ENTPD5: variants seen among roughly 807,000 people sequenced by gnomAD.
ENTPD5 encodes the protein ectonucleoside triphosphate diphosphohydrolase 5 (inactive).
ENTPD5 carries 49 observed loss-of-function variants against 60.2 expected under a neutral mutation model. The ratio of observed to expected loss-of-function variants is 0.81; its 90% CI spans 0.65 to 1.03. ENTPD5 has a LOEUF of 1.03. Among genes scored for constraint, ENTPD5 ranks in the 50% least tolerant of loss-of-function variants. The pLI is 0.00. For synonymous variants in ENTPD5, 187 were observed against 185.4 expected (o/e 1.01, Z -0.07); for missense variants, 480 against 507.6 (o/e 0.95, Z 0.52).
intron 3 of ENTPD5, among the ~76,000 whole-genome samples, chr14:73,997,229 G>A (rs2058365882): frequency 6.6e-6 from 1 of 152,162 alleles, no homozygotes. Flanking sequence ...GACAGCCAGA[G>A]TGAGGGAAAA....
chr14:73,974,082 G>T, intron 11 of ENTPD5, 104 bp from the exon 12 acceptor site: 1 of 861,632 alleles, frequency 1.2e-6, no homozygotes, highest in Non-Finnish European at 1.9e-6. Flanking sequence ...TGGGGGCTGG[G>T]CCTTAAAATC....
chr14:73,971,046 T>C (rs2057200970), intron 14 of ENTPD5, among the ~76,000 whole-genome samples: 1 of 152,106 alleles, frequency 6.6e-6, no homozygotes, highest in South Asian at 2.1e-4. Flanking sequence ...CCATGTCTTT[T>C]GATGCTTAGT....
Position 73,999,275 on chromosome 14 carries a change from G to C in ENTPD5, c.-70-11103C>G, listed in dbSNP as rs150019665. Among the ~76,000 whole-genome samples, 120 of 147,966 alleles carry C rather than the reference G, an allele frequency of 8.1e-4. 1 individual carries two copies. In the East Asian group the frequency reaches 0.023, roughly 28 times the overall value. Reference sequence around the variant, plus strand: ...GGCCAAAGTGGGTGGATTACCTCAAGTTAGGAGTTCGTGACCAGCCTGGCC... The same window carrying C: ...GGCCAAAGTGGGTGGATTACCTCAACTTAGGAGTTCGTGACCAGCCTGGCC... On this transcript the variant is annotated intron_variant, in intron 3 of 15. Transcript: ENST00000334696.
chr14:73,982,710 G>A lies in ENTPD5; in HGVS notation c.441+308C>T, dbSNP rs556468471. On this transcript the variant is annotated intron_variant, in intron 6 of 15. Transcript: ENST00000334696. ...GGTGGAGCTTGCAGTGAGCCAAGATGGCGCCACTGCACTCCAGCCTGGGTG... is the reference window on the plus strand; with the variant it reads ...GGTGGAGCTTGCAGTGAGCCAAGATAGCGCCACTGCACTCCAGCCTGGGTG... Among the ~76,000 whole-genome samples, 9 of 152,030 alleles carry A rather than the reference G, an allele frequency of 5.9e-5. No individual in the cohort carries two copies. In the East Asian group the frequency reaches 1.7e-3, roughly 29 times the overall value.
chr14:73,960,436 C>G (rs1034508828), downstream of ENTPD5: 1 of 988,614 alleles, frequency 1.0e-6, no homozygotes, highest in African/African-American at 1.7e-5. Context: ...AAGCCTGCTA[C>G]CTTCACACCA....
chr14:73,983,242 G>T, intron 5 of ENTPD5, 81 bp from the exon 6 acceptor site: 3 of 1,429,290 alleles, frequency 2.1e-6, no homozygotes, highest in Non-Finnish European at 9.4e-7. Flanking sequence ...CATACTTTGT[G>T]GGAGCAAGAA....
chr14:73,958,109 C>A (rs772007456), downstream of ENTPD5: 1 of 1,566,276 alleles, frequency 6.4e-7, no homozygotes, highest in African/African-American at 1.4e-5. Flanking sequence ...ATGTGGCCCA[C>A]CTTTCTAATT....
At chr14:73,990,978 G>A (rs994029462) in intron 3 of ENTPD5, among the ~76,000 whole-genome samples, 9 of 151,942 alleles carry the variant, frequency 5.9e-5, no homozygotes, top group South Asian at 2.1e-4. Context: ...GCAGTGAGCC[G>A]AAACCATGCC....
chr14:73,959,438 G>T (rs776645740), downstream of ENTPD5: 1 of 1,614,180 alleles, frequency 6.2e-7, no homozygotes, highest in Non-Finnish European at 8.5e-7. Flanking sequence ...TGAGTTCCTT[G>T]GTTTGGTCCA....
chr14:74,010,020 G>A (rs1278432759), intron 3 of ENTPD5, among the ~76,000 whole-genome samples: 2 of 152,100 alleles, frequency 1.3e-5, no homozygotes, highest in Non-Finnish European at 2.9e-5. Flanking sequence ...TCGATCTCCT[G>A]ATCTCGTGAT....
At chr14:73,959,880 T>C, downstream of ENTPD5, 1 of 1,236,762 alleles carries the variant, frequency 8.1e-7, no homozygotes, top group Non-Finnish European at 1.0e-6. Context: ...AGAAAGGTGG[T>C]TTTGAGTCAG....
intron 8 of ENTPD5, 58 bp downstream of exon 8, chr14:73,976,966 T>C (rs879215513): frequency 7.2e-7 from 1 of 1,388,078 alleles, no homozygotes; most frequent in South Asian, 1.2e-5. Context: ...CTTTTACTCC[T>C]CTGACTATGC....
At chr14:74,007,241 G>A (rs1014271063) in intron 3 of ENTPD5, among the ~76,000 whole-genome samples, 4 of 152,270 alleles carry the variant, frequency 2.6e-5, no homozygotes, top group Admixed American at 6.5e-5. Context: ...ATTAGGTATG[G>A]CCGGGCGCGG....
At chr14:73,982,909 A>G in intron 6 of ENTPD5, 109 bp downstream of exon 6, 1 of 1,077,654 alleles carries the variant, frequency 9.3e-7, no homozygotes, top group Non-Finnish European at 1.4e-6. Flanking sequence ...ATGCTTTGGC[A>G]GTGGTGGAAT....
At chr14:73,961,505 G>A (rs1174586278), downstream of ENTPD5, 1 of 1,614,188 alleles carries the variant, frequency 6.2e-7, no homozygotes, top group South Asian at 1.1e-5. Flanking sequence ...GTCAACATGG[G>A]CTTTGGGGAT....
Position 73,977,102 on chromosome 14 carries a change from TTC to T in ENTPD5, c.518-45_518-44del, listed in dbSNP as rs749375184. 19 of 1,583,254 alleles carry T rather than the reference TTC, an allele frequency of 1.2e-5. No homozygotes were observed. In the South Asian group the frequency reaches 2.2e-4, roughly 18 times the overall value. On this transcript the variant is annotated intron_variant, in intron 7 of 15. Coordinates refer to ENST00000334696, the MANE Select transcript of ENTPD5 (RefSeq NM_001249.5). Reference sequence around the variant, plus strand: ...CAAGGATTAGATCCCAGAGCATTTTTTCTCTTTCCTGGCCCCAACCTTGTTTT... The same window carrying T: ...CAAGGATTAGATCCCAGAGCATTTTTTCTTTCCTGGCCCCAACCTTGTTTT...
intron 15 of ENTPD5, among the ~76,000 whole-genome samples, chr14:73,968,906 T>TG (rs1393881259): frequency 6.6e-6 from 1 of 152,024 alleles, no homozygotes; most frequent in East Asian, 1.9e-4. Flanking sequence ...CTGAAACAGA[T>TG]GGAGAGAGAC....
chr14:73,976,979 G>A (rs774832068), intron 8 of ENTPD5, 45 bp downstream of exon 8: 116 of 1,515,086 alleles, frequency 7.7e-5, no homozygotes, highest in Non-Finnish European at 9.9e-5. Flanking sequence ...GACTATGCAT[G>A]TAAAAGCTAG....
chr14:74,009,924 A>G lies in ENTPD5; in HGVS notation c.-71+1167T>C, dbSNP rs368516036. On this transcript the variant is annotated intron_variant, in intron 3 of 15. Transcript: ENST00000334696. ...CTCCTGCCACAGCCTCCTGAGTAGC[A>G]GGGACTACAGGTGCCCGCCACCACG... is the stretch of plus-strand genomic sequence containing the variant. Among the ~76,000 whole-genome samples the G allele has an allele frequency of 4.8e-3, 726 of 152,014 alleles. 2 individuals carry two copies. Among genetic ancestry groups the G allele is most frequent in the African/African-American group, 0.015 (615 of 41,486 alleles).
Sources: allele counts gnomAD v4.1 joint callset (sites outside exome capture counted in the v4.1 genomes callset), GRCh38; gene constraint gnomAD v4.1.1; transcripts MANE v1.5; gene names NCBI Gene and HGNC (gene_info 2026-07-23, HGNC 2026-07-21).